KMT2C: variants seen among roughly 807,000 people sequenced by gnomAD.
KMT2C encodes lysine methyltransferase 2C.
A neutral mutation model predicts 507.9 loss-of-function variants in KMT2C; 88 were observed. The ratio of observed to expected loss-of-function variants is 0.17; its 90% CI spans 0.15 to 0.21. KMT2C has a LOEUF of 0.21. KMT2C is among the 10% of genes least tolerant of loss of function. The probability of loss-of-function intolerance (pLI) is 1.00; values close to 1 mark genes in which losing one functional copy is unlikely to be tolerated. For missense variants in KMT2C, 4,954 were observed against 5,957.8 expected, an observed-to-expected ratio of 0.83 and a Z score of 5.55; for synonymous variants, 2,049 against 2,080.8, an observed-to-expected ratio of 0.98 and a Z score of 0.42.
intron 1 of KMT2C, among the ~76,000 whole-genome samples, chr7:152,415,308 A>G (rs930743874): frequency 3.4e-5 from 5 of 148,684 alleles, no homozygotes; most frequent in African/African-American, 1.0e-4. Context: ...TTTACTTTCT[A>G]AAAGTCAAAA....
intron 1 of KMT2C, among the ~76,000 whole-genome samples, chr7:152,371,715 G>A (rs987802915): frequency 4.6e-5 from 7 of 151,968 alleles, no homozygotes; most frequent in Non-Finnish European, 1.0e-4. Context: ...CCAGGTTCAA[G>A]CAGTTCTCCC....
At chr7:152,317,703 A>T (rs2096733536) in intron 3 of KMT2C, among the ~76,000 whole-genome samples, 1 of 152,214 alleles carries the variant, frequency 6.6e-6, no homozygotes, top group Admixed American at 6.5e-5. Flanking sequence ...ACCTCATTAG[A>T]TGTCACGCAC....
At chr7:152,195,666 T>A (rs2093940118) in intron 28 of KMT2C, 1 of 434,000 alleles carries the variant, frequency 2.3e-6, no homozygotes, top group Non-Finnish European at 3.1e-6. Flanking sequence ...AGCAAGACTT[T>A]AAGGCAACAT....
rs1181673561 is a variant in KMT2C at position 152,176,674 on chromosome 7, A to C, written c.8779T>G (p.Ser2927Ala). 4.3e-6 allele frequency: 7 copies of C among 1,614,072 alleles called. No individual in the cohort carries two copies. The Admixed American group carries it at 1.2e-4, about 27-fold the overall frequency. The change falls in exon 38 of 59, where the codon TCT becomes GCT. Residue 2927 changes from serine to alanine, a missense_variant. By Grantham distance (99) the Ser-to-Ala change is moderately conservative (BLOSUM62 1). This residue lies in a region of KMT2C where 1,689 missense variants were observed against 1,654.3 expected (regional missense o/e 1.02). Transcript: ENST00000262189. ...VLSSLLANEKSDNSDIRPSGS... is the reference protein window; with the variant it reads ...VLSSLLANEKADNSDIRPSGS... ...GATGGCCTAATGTCTGAATTATCAGATTTCTCATTAGCAAGTAAACTTGAG... is the reference window on the plus strand; with the variant it reads ...GATGGCCTAATGTCTGAATTATCAGCTTTCTCATTAGCAAGTAAACTTGAG...
Position 152,180,324 on chromosome 7 carries a change from T to C in KMT2C, c.7150-198A>G, listed in dbSNP as rs7778804. On this transcript the variant is annotated intron_variant, in intron 36 of 58. Transcript: ENST00000262189. ...GCATGCGCCACCGTGCCTGACAGGT[T>C]AGTGGCTTTTTAAATCCTGATACTT... Among the ~76,000 whole-genome samples, 1,179 of 152,274 alleles carry C rather than the reference T, an allele frequency of 7.7e-3. 20 individuals carry two copies. Among genetic ancestry groups the C allele is most frequent in the African/African-American group, 0.027 (1,138 of 41,530 alleles).
intron 1 of KMT2C, among the ~76,000 whole-genome samples, chr7:152,387,268 T>C (rs964505078): frequency 3.3e-5 from 5 of 151,926 alleles, no homozygotes; most frequent in Admixed American, 6.6e-5. Context: ...CATTCCTTTA[T>C]ACTGACAGTT....
At position 152,224,166 on chromosome 7, in the gene KMT2C, T is replaced by G. The variant is rs1296749929; in HGVS notation, c.3172A>C (p.Arg1058=). 3 of 1,604,316 alleles carry G rather than the reference T, an allele frequency of 1.9e-6. No individual in the cohort carries two copies. Among genetic ancestry groups the G allele is most frequent in the African/African-American group, 1.3e-5 (1 of 74,616 alleles). ...CCTGCAGATGTTGCTCCACAGTGTC[T>G]GCACCAAACACACCTGAAATCCAAA... ...GWKCKWCVWC[R]HCGATSAGLR... is the part of the protein sequence containing the mutation. Residue 1058 remains arginine (R), a synonymous_variant, in exon 20 of 59, where the codon AGA becomes CGA. Transcript: ENST00000262189.
At chr7:152,139,419 C>T (rs1018140600) in intron 56 of KMT2C, among the ~76,000 whole-genome samples, 160 bp from the exon 57 acceptor site, 8 of 152,068 alleles carry the variant, frequency 5.3e-5, no homozygotes, top group African/African-American at 1.7e-4. Flanking sequence ...TTACATGGCA[C>T]GAATGGAAAG....
chr7:152,169,252 A>G lies in KMT2C; in HGVS notation c.9454-3T>C, dbSNP rs1482617471. 4.5e-6 allele frequency: 7 copies of G among 1,554,002 alleles called. No homozygotes were observed. The South Asian group carries it at 5.6e-5, about 12-fold the overall frequency. On this transcript the variant is annotated splice_polypyrimidine_tract_variant and splice_region_variant and intron_variant, in intron 40 of 58. Coordinates refer to ENST00000262189, the MANE Select transcript of KMT2C (RefSeq NM_170606.3). ...ATCTGATGTGTTATACTGCCATCCTAAAATAAGTAAAATTTACAAATATGT... is the reference window on the plus strand; with the variant it reads ...ATCTGATGTGTTATACTGCCATCCTGAAATAAGTAAAATTTACAAATATGT...
chr7:152,276,762 A>C (rs2096088279), intron 6 of KMT2C, among the ~76,000 whole-genome samples: 1 of 136,074 alleles, frequency 7.3e-6, no homozygotes, highest in African/African-American at 2.9e-5. Flanking sequence ...TATAAAATTC[A>C]AAAAAAAAAA....
chr7:152,313,071 A>T (rs946008690), intron 4 of KMT2C, among the ~76,000 whole-genome samples: 8 of 152,194 alleles, frequency 5.3e-5, no homozygotes, highest in Non-Finnish European at 1.5e-5. Context: ...TATGTTCAGC[A>T]TTAGAAATGC....
chr7:152,250,194 T>C (rs2095541912), intron 12 of KMT2C, among the ~76,000 whole-genome samples: 1 of 152,172 alleles, frequency 6.6e-6, no homozygotes, highest in African/African-American at 2.4e-5. Flanking sequence ...ACAAGAAAGA[T>C]TATAGAAAAT....
intron 2 of KMT2C, among the ~76,000 whole-genome samples, chr7:152,332,389 T>C (rs1316655803): frequency 6.6e-6 from 1 of 152,188 alleles, no homozygotes; most frequent in East Asian, 1.9e-4. Context: ...ATTTAGACCT[T>C]TCTGCATCAC....
intron 23 of KMT2C, among the ~76,000 whole-genome samples, chr7:152,219,562 G>A (rs1409462424): frequency 6.7e-6 from 1 of 150,014 alleles, no homozygotes; most frequent in African/African-American, 2.5e-5. Context: ...CCTGGGCAAC[G>A]TAACAAGACA....
intron 1 of KMT2C, among the ~76,000 whole-genome samples, chr7:152,392,019 A>G (rs575048849): frequency 2.0e-5 from 3 of 152,322 alleles, no homozygotes; most frequent in Admixed American, 1.3e-4. Context: ...TAGGAAATAC[A>G]TTTCAACCCC....
At chr7:152,249,785 T>A in intron 13 of KMT2C, 91 bp downstream of exon 13, 1 of 659,778 alleles carries the variant, frequency 1.5e-6, no homozygotes, top group East Asian at 2.9e-5. Flanking sequence ...TACCGTAATG[T>A]ATATACATAC....
At chr7:152,427,919 C>T (rs114152222) in intron 1 of KMT2C, among the ~76,000 whole-genome samples, 186 of 152,268 alleles carry the variant, frequency 1.2e-3, no homozygotes, top group African/African-American at 4.1e-3. Context: ...CCTCCCCATT[C>T]GCACTACCAA....
chr7:152,179,362 G>A (rs897222709), intron 37 of KMT2C, among the ~76,000 whole-genome samples: 3 of 152,206 alleles, frequency 2.0e-5, no homozygotes, highest in African/African-American at 7.2e-5. Context: ...TCATCACATC[G>A]TAGGAGGCTT....
intron 3 of KMT2C, among the ~76,000 whole-genome samples, chr7:152,318,081 T>C (rs1241482535): frequency 1.3e-5 from 2 of 151,866 alleles, no homozygotes; most frequent in Non-Finnish European, 2.9e-5. Context: ...GAGGTTGCAA[T>C]GAACTGAGAT....
Sources: allele counts gnomAD v4.1 joint callset (sites outside exome capture counted in the v4.1 genomes callset), GRCh38; gene constraint gnomAD v4.1.1; regional missense constraint gnomAD v4.1.1; transcripts MANE v1.5; gene names NCBI Gene and HGNC (gene_info 2026-07-23, HGNC 2026-07-21).